The following KALRN variants were observed in gnomAD, a reference collection of about 807,000 sequenced individuals.
KALRN encodes kalirin RhoGEF kinase.
KALRN carries 70 observed loss-of-function variants against 353.7 expected under a neutral mutation model. The observed-to-expected ratio is 0.20, with a 90% confidence interval of 0.16 to 0.24. The LOEUF is 0.24. Ranked by LOEUF, KALRN falls within the 10% of genes least tolerant of loss-of-function variation. The pLI is 1.00. For synonymous variants in KALRN, 1,391 were observed against 1,434.8 expected, an observed-to-expected ratio of 0.97 and a Z score of 0.69; for missense variants, 2,791 against 3,756.7, an observed-to-expected ratio of 0.74 and a Z score of 6.72.
chr3:124,499,574 C>T (rs1411879309), intron 33 of KALRN, among the ~76,000 whole-genome samples: 5 of 152,290 alleles, frequency 3.3e-5, no homozygotes, highest in African/African-American at 1.2e-4. Context: ...TGTTTATTAA[C>T]TGTCAGCAGG....
At chr3:124,373,795 C>T (rs745888979) in intron 10 of KALRN, among the ~76,000 whole-genome samples, 1 of 152,156 alleles carries the variant, frequency 6.6e-6, no homozygotes, top group African/African-American at 2.4e-5. Context: ...TCTGCAACAA[C>T]GTTATTTCCA....
chr3:124,268,624 T>C, intron 4 of KALRN, 119 bp from the exon 5 acceptor site: 1 of 1,082,886 alleles, frequency 9.2e-7, no homozygotes, highest in Non-Finnish European at 1.4e-6. Flanking sequence ...ACTCACCATT[T>C]CCGAGGCAGG....
intron 2 of KALRN, among the ~76,000 whole-genome samples, chr3:124,229,695 TGA>T (rs2078949681): frequency 6.6e-6 from 1 of 152,248 alleles, no homozygotes; most frequent in African/African-American, 2.4e-5. Flanking sequence ...GAGAGCCTGA[TGA>T]TTCAGAGTGT....
At chr3:124,128,803 T>A (rs1352470600) in intron 1 of KALRN, among the ~76,000 whole-genome samples, 4 of 152,108 alleles carry the variant, frequency 2.6e-5, no homozygotes. Flanking sequence ...CCTTCTCAGA[T>A]GCTCACTGTG....
At chr3:124,694,118 T>C (rs1441122204) in intron 52 of KALRN, among the ~76,000 whole-genome samples, 1 of 152,248 alleles carries the variant, frequency 6.6e-6, no homozygotes, top group Non-Finnish European at 1.5e-5. Context: ...TTTTCTTTCT[T>C]TCTGTTTATA....
chr3:124,150,102 T>G (rs1360891116), intron 1 of KALRN, among the ~76,000 whole-genome samples: 1 of 152,222 alleles, frequency 6.6e-6, no homozygotes. Context: ...TGCTTGCTGG[T>G]TATGTAAATA....
At chr3:124,190,659 A>G (rs1335385334) in intron 1 of KALRN, among the ~76,000 whole-genome samples, 2 of 152,208 alleles carry the variant, frequency 1.3e-5, no homozygotes, top group East Asian at 3.8e-4. Context: ...GGAAAGGTGT[A>G]TTAGGGCCAT....
At chr3:124,179,786 G>A (rs1262577421) in intron 1 of KALRN, among the ~76,000 whole-genome samples, 1 of 152,178 alleles carries the variant, frequency 6.6e-6, no homozygotes, top group Non-Finnish European at 1.5e-5. Context: ...TTACCAAAAC[G>A]TTGTTATGCG....
At chr3:124,544,749 G>A (rs998354354) in intron 33 of KALRN, among the ~76,000 whole-genome samples, 3 of 152,166 alleles carry the variant, frequency 2.0e-5, no homozygotes, top group Non-Finnish European at 2.9e-5. Flanking sequence ...TGTGTTCAGT[G>A]CTGTATCCCC....
At chr3:124,709,055 GACT>G (rs1166166880) in intron 57 of KALRN, among the ~76,000 whole-genome samples, 1 of 151,668 alleles carries the variant, frequency 6.6e-6, no homozygotes, top group Non-Finnish European at 1.5e-5. Context: ...GAAATGAATT[GACT>G]ACTAAGAATT....
chr3:124,432,985 T>C (rs954350121), intron 16 of KALRN, among the ~76,000 whole-genome samples: 4 of 152,192 alleles, frequency 2.6e-5, no homozygotes, highest in African/African-American at 9.7e-5. Flanking sequence ...AATTGCAACA[T>C]ATGCTCCTTC....
At chr3:124,593,524 G>A (rs1427299356) in intron 34 of KALRN, among the ~76,000 whole-genome samples, 2 of 152,174 alleles carry the variant, frequency 1.3e-5, no homozygotes, top group Non-Finnish European at 2.9e-5. Flanking sequence ...GGAAAAGGTA[G>A]ATTTCCTCTC....
At position 124,321,431 on chromosome 3, in the gene KALRN, T is replaced by A. The variant is rs116591994; in HGVS notation, c.1093-4549T>A. On this transcript the variant is annotated intron_variant, in intron 6 of 59. Coordinates refer to ENST00000682506, the MANE Select transcript of KALRN (RefSeq NM_001388419.1). ...GAGAAAATTTAGCTAAGGTTTTTAA[T>A]GGAAAGCTATCATTATCTTGTTTTT... Among the ~76,000 whole-genome samples, 728 of 152,370 alleles carry A rather than the reference T, an allele frequency of 4.8e-3. 2 individuals carry two copies. The highest frequency in any genetic ancestry group is 7.6e-3 in the Non-Finnish European group (520 of 68,040).
At chr3:124,105,953 C>T (rs925277488) in intron 1 of KALRN, among the ~76,000 whole-genome samples, 6 of 152,166 alleles carry the variant, frequency 3.9e-5, no homozygotes, top group African/African-American at 1.2e-4. Flanking sequence ...TCATTGAGCA[C>T]TGACAGTATT....
At chr3:124,707,394 T>TTTCCTTCCTTCCTTCCTTCCTTCC (rs368400674) in intron 57 of KALRN, among the ~76,000 whole-genome samples, 3 of 140,714 alleles carry the variant, frequency 2.1e-5, no homozygotes, top group Non-Finnish European at 3.1e-5. Flanking sequence ...AGAATAGCAG[T>TTTCCTTCCTTCCTTCCTTCCTTCC]TTCCTTCCTT....
rs2063898907 is a variant in KALRN, at chr3:124,120,711, A to ATATAT, written c.73+86898_73+86899insTATAT. On this transcript the variant is annotated intron_variant, in intron 1 of 59. Transcript: ENST00000682506. ...TTACAATCCAGATAGGAATACTAAA[A>ATATAT]ATATATATATATATATATATATATA... is the stretch of plus-strand genomic sequence containing the variant. Among the ~76,000 whole-genome samples the ATATAT allele has an allele frequency of 3.0e-3, 300 of 98,846 alleles. 2 individuals are homozygous for ATATAT. The highest frequency in any genetic ancestry group is 9.6e-3 in the African/African-American group (224 of 23,430). 64.8% of individuals were successfully genotyped at this position (98,846 alleles called of 152,430 possible). A position where few individuals can be genotyped will look rare whatever the true frequency, so the allele number is the denominator to read the frequency against.
At chr3:124,634,883 G>C (rs1002971255) in intron 36 of KALRN, among the ~76,000 whole-genome samples, 1 of 152,156 alleles carries the variant, frequency 6.6e-6, no homozygotes, top group Non-Finnish European at 1.5e-5. Context: ...GCTCTCTAGT[G>C]CTCTGCCCTG....
At chr3:124,619,645 C>T (rs1269859026) in intron 34 of KALRN, among the ~76,000 whole-genome samples, 2 of 151,988 alleles carry the variant, frequency 1.3e-5, no homozygotes, top group East Asian at 3.9e-4. Flanking sequence ...TGCCACCACA[C>T]CCAGCTAATT....
chr3:124,368,971 G>A (rs1420517750), intron 10 of KALRN, among the ~76,000 whole-genome samples: 1 of 151,948 alleles, frequency 6.6e-6, no homozygotes, highest in Non-Finnish European at 1.5e-5. Flanking sequence ...AATCAGGCAG[G>A]GAGGTTGCAG....
Sources: gnomAD v4.1 joint callset for allele counts (sites outside exome capture counted in the v4.1 genomes callset) on GRCh38, gnomAD v4.1.1 for gene constraint, MANE v1.5 for transcripts, NCBI Gene and HGNC (gene_info 2026-07-23, HGNC 2026-07-21) for gene names.